Variants in SCN2A observed in about 807,000 individuals in gnomAD.
SCN2A encodes the protein sodium voltage-gated channel alpha subunit 2.
A neutral mutation model predicts 188.7 loss-of-function variants in SCN2A; 20 were observed. That is an observed-to-expected ratio of 0.11 (90% CI 0.07 to 0.15). The LOEUF is 0.15. Ranked by LOEUF, SCN2A falls within the 10% of genes least tolerant of loss-of-function variation. SCN2A has a pLI of 1.00. For synonymous variants in SCN2A, 804 were observed against 833.1 expected (o/e 0.97, Z 0.60); for missense variants, 1,278 against 2,445.0 (o/e 0.52, Z 10.07).
At chr2:165,280,229 A>G (rs1397539587) in intron 1 of SCN2A, among the ~76,000 whole-genome samples, 1 of 152,172 alleles carries the variant, frequency 6.6e-6, no homozygotes. Context: ...TACTCAGACT[A>G]TTGTACAGCC....
chr2:165,377,283 T>A (rs531741149), intron 22 of SCN2A, among the ~76,000 whole-genome samples: 1 of 152,002 alleles, frequency 6.6e-6, no homozygotes, highest in South Asian at 2.1e-4. Flanking sequence ...TTCATCAAAG[T>A]TCATGATATA....
chr2:165,339,669 A>C (rs1376643179), intron 14 of SCN2A, among the ~76,000 whole-genome samples: 4 of 152,222 alleles, frequency 2.6e-5, no homozygotes, highest in African/African-American at 9.6e-5. Flanking sequence ...AGATTTAAAC[A>C]AATGGAAATA....
At chr2:165,317,326 A>T (rs1697808766) in intron 11 of SCN2A, among the ~76,000 whole-genome samples, 1 of 141,394 alleles carries the variant, frequency 7.1e-6, no homozygotes, top group Non-Finnish European at 1.5e-5. Flanking sequence ...TTACAGTATT[A>T]GTCATTCTGA....
At position 165,314,053 on chromosome 2, in the gene SCN2A, A is replaced by G. The variant is rs1229995230; in HGVS notation, c.1328A>G (p.Glu443Gly). 6.2e-7 allele frequency: 1 copy of G among 1,613,628 alleles called. No homozygotes were observed. The highest frequency in any genetic ancestry group is 8.5e-7 in the Non-Finnish European group (1 of 1,179,750). Reference protein sequence around the residue: ...QATLEEAEQKEAEFQQMLEQL... With the variant: ...QATLEEAEQKGAEFQQMLEQL... ...ACATTGGAAGAGGCTGAACAGAAGG[A>G]AGCTGAATTTCAGCAGATGCTCGAA... The change falls in exon 10 of 27, where the codon GAA becomes GGA. Residue 443 changes from glutamate to glycine, a missense_variant. Physicochemically the swap from Glu to Gly is moderately conservative, Grantham distance 98. Transcript: ENST00000375437.
At chr2:165,367,625 T>A (rs1700797371) in intron 19 of SCN2A, among the ~76,000 whole-genome samples, 1 of 152,222 alleles carries the variant, frequency 6.6e-6, no homozygotes, top group African/African-American at 2.4e-5. Context: ...TTTCTGACTT[T>A]CAGTCATCAG....
intron 1 of SCN2A, among the ~76,000 whole-genome samples, chr2:165,280,624 C>T (rs940722753): frequency 6.6e-6 from 1 of 152,162 alleles, no homozygotes; most frequent in South Asian, 2.1e-4. Flanking sequence ...GTACAGATCC[C>T]TTGCTTCATA....
chr2:165,372,106 A>G (rs1345516865), intron 20 of SCN2A: 1 of 152,172 alleles, frequency 6.6e-6, no homozygotes, highest in Non-Finnish European at 1.5e-5. Context: ...AGGTCCTTAT[A>G]TCTTAAATAC....
At chr2:165,345,270 A>G (rs558308340) in intron 16 of SCN2A, among the ~76,000 whole-genome samples, 1 of 152,314 alleles carries the variant, frequency 6.6e-6, no homozygotes, top group African/African-American at 2.4e-5. Flanking sequence ...GGTTTTCTAC[A>G]AATTTAAAAA....
chr2:165,309,120 C>T (rs751863902), intron 5 of SCN2A: 14 of 1,593,898 alleles, frequency 8.8e-6, no homozygotes, highest in African/African-American at 1.3e-5. Flanking sequence ...CCAAGGAAGA[C>T]GTAGATTTCC....
intron 1 of SCN2A, among the ~76,000 whole-genome samples, chr2:165,290,104 T>G (rs11889342): frequency 0.23 from 35,652 of 151,992 alleles, 4,468 homozygotes; most frequent in East Asian, 0.36. Context: ...GTTGACAGTA[T>G]TTGTACATAT....
intron 19 of SCN2A, among the ~76,000 whole-genome samples, chr2:165,369,470 A>T (rs950478979): frequency 1.3e-5 from 2 of 152,308 alleles, no homozygotes; most frequent in South Asian, 4.2e-4. Flanking sequence ...TTATCTAAAA[A>T]AGAAAATGTT....
At chr2:165,292,114 C>G (rs1325840977) in intron 1 of SCN2A, among the ~76,000 whole-genome samples, 1 of 152,166 alleles carries the variant, frequency 6.6e-6, no homozygotes, top group East Asian at 1.9e-4. Context: ...GAGCTGGTAA[C>G]ATCAGCTGAG....
intron 1 of SCN2A, among the ~76,000 whole-genome samples, chr2:165,289,632 G>A (rs1696010235): frequency 6.6e-6 from 1 of 151,978 alleles, no homozygotes; most frequent in South Asian, 2.1e-4. Context: ...CAGAACAAAT[G>A]GAAGAAAAAC....
At chr2:165,279,664 A>G (rs910138134) in intron 1 of SCN2A, among the ~76,000 whole-genome samples, 5 of 152,192 alleles carry the variant, frequency 3.3e-5, no homozygotes, top group Non-Finnish European at 5.9e-5. Flanking sequence ...TTGAATCTGC[A>G]TGTTGGCAAT....
intron 1 of SCN2A, among the ~76,000 whole-genome samples, chr2:165,283,569 A>C (rs938855826): frequency 6.6e-6 from 1 of 152,236 alleles, no homozygotes; most frequent in African/African-American, 2.4e-5. Flanking sequence ...AGCTAGTCCC[A>C]TAATAGCAAT....
At chr2:165,257,781 A>AC (rs368113378) in intron 1 of SCN2A, among the ~76,000 whole-genome samples, 11 of 151,734 alleles carry the variant, frequency 7.2e-5, no homozygotes, top group African/African-American at 2.2e-4. Flanking sequence ...CAAGTGATCC[A>AC]CCCCCCTCGG....
Position 165,330,361 on chromosome 2 carries a change from A to C in SCN2A, c.2150-969A>C, listed in dbSNP as rs572546626. Among the ~76,000 whole-genome samples, 4 of 152,316 alleles carry C rather than the reference A, an allele frequency of 2.6e-5. 2 individuals are homozygous for C. Among genetic ancestry groups the C allele is most frequent in the African/African-American group, 9.6e-5 (4 of 41,578 alleles). On this transcript the variant is annotated intron_variant, in intron 13 of 26. Coordinates refer to ENST00000375437, the MANE Select transcript of SCN2A (RefSeq NM_001040142.2). Reference sequence around the variant, plus strand: ...GTTGATGAAGAGATTATCTTGCCAAAGGAAGATGGTAGACAGTTTTTCACT... The same window carrying C: ...GTTGATGAAGAGATTATCTTGCCAACGGAAGATGGTAGACAGTTTTTCACT...
chr2:165,384,845 A>AGT (rs1701788218), intron 25 of SCN2A, among the ~76,000 whole-genome samples: 1 of 152,162 alleles, frequency 6.6e-6, no homozygotes, highest in Non-Finnish European at 1.5e-5. Flanking sequence ...GTAGACAGAT[A>AGT]AACTATGTAA....
At chr2:165,355,145 AG>A (rs1464487098) in intron 17 of SCN2A, among the ~76,000 whole-genome samples, 1 of 152,218 alleles carries the variant, frequency 6.6e-6, no homozygotes, top group Non-Finnish European at 1.5e-5. Flanking sequence ...TATTTACTCA[AG>A]GAAGATCTGA....
Sources: allele counts gnomAD v4.1 joint callset (sites outside exome capture counted in the v4.1 genomes callset), GRCh38; gene constraint gnomAD v4.1.1; transcripts MANE v1.5; gene names NCBI Gene and HGNC (gene_info 2026-07-23, HGNC 2026-07-21).